Variants in TRPM7 observed in about 807,000 individuals in gnomAD.
TRPM7 encodes the protein LTRPC ion channel family member 7.
A neutral mutation model predicts 229.7 loss-of-function variants in TRPM7; 134 were observed. The ratio of observed to expected loss-of-function variants is 0.58; its 90% CI spans 0.51 to 0.67. TRPM7 has a LOEUF of 0.67. Ranked by LOEUF, TRPM7 falls within the 30% of genes least tolerant of loss-of-function variation. The pLI is 0.00. For missense variants in TRPM7, 1,901 were observed against 2,210.0 expected, an observed-to-expected ratio of 0.86 and a Z score of 2.80; for synonymous variants, 699 against 715.2, an observed-to-expected ratio of 0.98 and a Z score of 0.36.
chr15:50,682,491 A>G (rs1015526450), intron 1 of TRPM7, among the ~76,000 whole-genome samples: 1 of 151,596 alleles, frequency 6.6e-6, no homozygotes, highest in Non-Finnish European at 1.5e-5. Context: ...CAGGAGAATC[A>G]CTTGAATCCA....
At chr15:50,673,839 T>C in intron 1 of TRPM7, among the ~76,000 whole-genome samples, 1 of 152,198 alleles carries the variant, frequency 6.6e-6, no homozygotes, top group East Asian at 1.9e-4. Flanking sequence ...AATCTCCACA[T>C]TGTTTCCCAT....
Position 50,599,090 on chromosome 15 carries a change from A to G in TRPM7, c.3163+32T>C, listed in dbSNP as rs374050850. Reference sequence around the variant, plus strand: ...ATTGGTTTTAAAACACAAAATAACCAAAAGATAAATCTGTAAATATACAAT... The same window carrying G: ...ATTGGTTTTAAAACACAAAATAACCGAAAGATAAATCTGTAAATATACAAT... On this transcript the variant is annotated intron_variant, in intron 22 of 38. Transcript: ENST00000646667. The G allele has an allele frequency of 6.0e-6, 9 of 1,499,280 alleles. No individual in the cohort carries two copies. The African/African-American group carries it at 1.3e-4, about 21-fold the overall frequency. 92.9% of individuals were successfully genotyped at this position (1,499,280 alleles called of 1,614,324 possible).
intron 5 of TRPM7, among the ~76,000 whole-genome samples, chr15:50,640,462 T>TTC (rs1555425590): frequency 6.6e-6 from 1 of 150,584 alleles, no homozygotes; most frequent in African/African-American, 2.4e-5. Context: ...TCTTTTTTTT[T>TTC]TTTTTTTTAG....
chr15:50,616,605 G>A (rs2060228178), intron 13 of TRPM7, among the ~76,000 whole-genome samples: 1 of 152,054 alleles, frequency 6.6e-6, no homozygotes, highest in African/African-American at 2.4e-5. Flanking sequence ...GTAACTTTTC[G>A]AAGTATTATA....
rs577390315 is a variant in TRPM7 at position 50,666,447 on chromosome 15, T to C, written c.4-3401A>G. Among the ~76,000 whole-genome samples, 27 of 144,168 alleles carry C rather than the reference T, an allele frequency of 1.9e-4. No individual in the cohort carries two copies. The East Asian group carries it at 2.1e-3, about 11-fold the overall frequency. The allele number at this position is 144,168 out of a possible 152,430, so 94.6% of individuals were successfully genotyped here. On this transcript the variant is annotated intron_variant, in intron 1 of 38. Transcript: ENST00000646667. ...CAGAATGAGAGAAGGGAGAAGAAGG[T>C]AGAAGGGAGAAAGAAGAGGAGGAAG...
At chr15:50,668,822 GTA>G (rs2061935025) in intron 1 of TRPM7, among the ~76,000 whole-genome samples, 1 of 142,726 alleles carries the variant, frequency 7.0e-6, no homozygotes, top group African/African-American at 2.5e-5. Context: ...ATAGATATTT[GTA>G]TAAGTGCAGT....
At chr15:50,667,127 C>T (rs8028599) in intron 1 of TRPM7, among the ~76,000 whole-genome samples, 22,111 of 151,934 alleles carry the variant, frequency 0.15, 2,210 homozygotes, top group Admixed American at 0.28. Flanking sequence ...ATTGATTGGC[C>T]GACTCTGGGG....
intron 31 of TRPM7, among the ~76,000 whole-genome samples, chr15:50,577,933 T>A (rs2054212849): frequency 6.6e-6 from 1 of 152,104 alleles, no homozygotes; most frequent in Non-Finnish European, 1.5e-5. Flanking sequence ...TATAACAATA[T>A]GTTAAGAAGA....
intron 2 of TRPM7, among the ~76,000 whole-genome samples, chr15:50,659,594 A>G (rs2061675951): frequency 6.6e-6 from 1 of 152,194 alleles, no homozygotes; most frequent in South Asian, 2.1e-4. Flanking sequence ...TAATACCTTG[A>G]GTGCTTTTAT....
At chr15:50,619,656 T>G (rs2060331932) in intron 13 of TRPM7, 89 bp downstream of exon 13, 1 of 1,122,932 alleles carries the variant, frequency 8.9e-7, no homozygotes, top group Non-Finnish European at 1.2e-6. Context: ...ATTTCTAAAA[T>G]GTATTTAAAT....
rs150924052 is a variant in TRPM7 at position 50,672,299 on chromosome 15, G to A, written c.4-9253C>T. 3.1e-3 allele frequency among the ~76,000 whole-genome samples: 474 copies of A among 151,740 alleles called. 1 individual carries two copies. The highest frequency in any genetic ancestry group is 0.011 in the African/African-American group (462 of 41,414). ...ATCTCCTGACCTCGTGACGTGATCC[G>A]CCCACCTTGGCCTCCCAAAGTGCTA... On this transcript the variant is annotated intron_variant, in intron 1 of 38. Transcript: ENST00000646667.
intron 7 of TRPM7, among the ~76,000 whole-genome samples, chr15:50,637,121 G>A (rs1438228278): frequency 7.8e-6 from 1 of 128,032 alleles, no homozygotes; most frequent in Non-Finnish European, 1.7e-5. Flanking sequence ...GCGAGACTCC[G>A]CCTCAAAGAA....
intron 4 of TRPM7, among the ~76,000 whole-genome samples, chr15:50,645,844 A>T (rs753798370): frequency 7.6e-4 from 115 of 152,298 alleles, no homozygotes; most frequent in Admixed American, 2.3e-3. Flanking sequence ...AAAAAGAACA[A>T]TAACACCTGC....
At chr15:50,580,440 T>C (rs1165359910) in intron 30 of TRPM7, among the ~76,000 whole-genome samples, 5 of 152,210 alleles carry the variant, frequency 3.3e-5, no homozygotes, top group African/African-American at 1.2e-4. Flanking sequence ...GGCTTTCTAA[T>C]GCATACTGTG....
chr15:50,611,028 A>T, intron 17 of TRPM7, 65 bp downstream of exon 17: 1 of 1,300,950 alleles, frequency 7.7e-7, no homozygotes. Context: ...CTACACATTT[A>T]GACTAATTCT....
intron 27 of TRPM7, among the ~76,000 whole-genome samples, chr15:50,587,359 A>G (rs889678300): frequency 1.4e-5 from 2 of 140,708 alleles, no homozygotes; most frequent in African/African-American, 5.2e-5. Context: ...TCTATTATTT[A>G]TGTGTTTGGA....
At chr15:50,602,697 T>G (rs1489132071) in intron 21 of TRPM7, among the ~76,000 whole-genome samples, 2 of 152,190 alleles carry the variant, frequency 1.3e-5, no homozygotes, top group Non-Finnish European at 1.5e-5. Context: ...TAGCCCCAGC[T>G]TAGTTTAACT....
chr15:50,612,754 T>A lies in TRPM7; in HGVS notation c.1846A>T (p.Lys616Ter). 1.2e-6 allele frequency: 2 copies of A among 1,614,144 alleles called. No individual in the cohort carries two copies. Among genetic ancestry groups the A allele is most frequent in the Non-Finnish European group, 1.7e-6 (2 of 1,180,004 alleles). The change falls in exon 16 of 39, where the codon AAG becomes TAG. Residue 616 changes from lysine (K) to a stop codon, truncating the protein, a stop_gained. Transcript: ENST00000646667. LOFTEE classifies it high-confidence loss of function. Reference protein sequence around the residue: ...EIVDIDDPETKRFPYPLNELL... With the variant: ...EIVDIDDPET ...TCATTAAGTGGATAAGGAAAGCGCTTGGTTTCTGGATCATCAATGTCTACA... is the reference window on the plus strand; with the variant it reads ...TCATTAAGTGGATAAGGAAAGCGCTAGGTTTCTGGATCATCAATGTCTACA...
At chr15:50,651,321 A>G (rs2061414006) in intron 3 of TRPM7, among the ~76,000 whole-genome samples, 1 of 152,234 alleles carries the variant, frequency 6.6e-6, no homozygotes, top group African/African-American at 2.4e-5. Context: ...TGACACAAAA[A>G]CAAGTATTAT....
Sources: gnomAD v4.1 joint callset for allele counts (sites outside exome capture counted in the v4.1 genomes callset) on GRCh38, gnomAD v4.1.1 for gene constraint, MANE v1.5 for transcripts, NCBI Gene and HGNC (gene_info 2026-07-23, HGNC 2026-07-21) for gene names.